FOXP1: variants seen among roughly 807,000 people sequenced by gnomAD.
FOXP1 encodes forkhead box protein P1.
In FOXP1, 15 loss-of-function variants were observed where a neutral mutation model predicts 98.2. That is an observed-to-expected ratio of 0.15 (90% CI 0.10 to 0.24). The LOEUF is 0.24. Ranked by LOEUF, FOXP1 falls within the 10% of genes least tolerant of loss-of-function variation. FOXP1 has a pLI of 1.00. For synonymous variants in FOXP1, 371 were observed against 314.5 expected (o/e 1.18, Z -1.90); for missense variants, 633 against 848.5 (o/e 0.75, Z 3.15).
At position 71,093,273 on chromosome 3, in the gene FOXP1, G is replaced by GAA. The variant is rs34159878; in HGVS notation, c.282+19261_282+19262dup. ...CATTTCAAAAAATAAAAATAAAAAT[G>GAA]AAAAAAAAAAAAATTAAAAAAAGCA... On this transcript the variant is annotated intron_variant, in intron 7 of 20. Coordinates refer to ENST00000649528, the MANE Select transcript of FOXP1 (RefSeq NM_001349338.3). Among the ~76,000 whole-genome samples, 716 of 133,560 alleles carry GAA rather than the reference G, an allele frequency of 5.4e-3. 9 individuals are homozygous for GAA. The highest frequency in any genetic ancestry group is 0.016 in the African/African-American group (559 of 35,654). 87.6% of individuals were successfully genotyped at this position (133,560 alleles called of 152,430 possible).
chr3:71,383,653 G>A (rs2080347774), intron 3 of FOXP1, among the ~76,000 whole-genome samples: 1 of 152,072 alleles, frequency 6.6e-6, no homozygotes, highest in Non-Finnish European at 1.5e-5. Flanking sequence ...GGGTGTCTGT[G>A]CACATGTACT....
intron 2 of FOXP1, among the ~76,000 whole-genome samples, chr3:71,537,481 C>T (rs2044398760): frequency 6.6e-6 from 1 of 152,302 alleles, no homozygotes; most frequent in East Asian, 1.9e-4. Context: ...ACCAGGCAGG[C>T]GCAGAGGCCA....
intron 11 of FOXP1, among the ~76,000 whole-genome samples, chr3:71,030,269 A>G (rs7653129): frequency 0.25 from 38,673 of 152,156 alleles, 11,646 homozygotes; most frequent in African/African-American, 0.73. Context: ...ACATGAAACC[A>G]GTATGGTCCA....
chr3:71,018,772 A>T (rs1375259549), intron 11 of FOXP1, among the ~76,000 whole-genome samples: 1 of 152,236 alleles, frequency 6.6e-6, no homozygotes, highest in African/African-American at 2.4e-5. Flanking sequence ...GGGAGTCAGG[A>T]GTAGCAGGGA....
At chr3:71,015,788 A>G in intron 11 of FOXP1, 135 bp from the exon 12 acceptor site, 2 of 631,600 alleles carry the variant, frequency 3.2e-6, no homozygotes, top group Non-Finnish European at 5.8e-6. Flanking sequence ...CCCCCATCCC[A>G]TGTAATTGAC....
intron 3 of FOXP1, among the ~76,000 whole-genome samples, chr3:71,490,906 T>C (rs943633157): frequency 2.0e-5 from 3 of 152,250 alleles, no homozygotes; most frequent in Admixed American, 6.5e-5. Flanking sequence ...TTTGTTGTTA[T>C]TTCAATACCT....
At chr3:71,014,698 T>C (rs991952591) in intron 12 of FOXP1, among the ~76,000 whole-genome samples, 1 of 152,190 alleles carries the variant, frequency 6.6e-6, no homozygotes, top group African/African-American at 2.4e-5. Context: ...CACATGTATG[T>C]TTATTGCGGC....
intron 6 of FOXP1, among the ~76,000 whole-genome samples, chr3:71,169,483 AC>A (rs1330659121): frequency 6.6e-6 from 1 of 152,184 alleles, no homozygotes; most frequent in Non-Finnish European, 1.5e-5. Context: ...CCAGTTACTT[AC>A]ATTCTAGCCT....
chr3:71,182,677 G>A (rs1450184502), intron 6 of FOXP1, among the ~76,000 whole-genome samples: 1 of 151,642 alleles, frequency 6.6e-6, no homozygotes, highest in Non-Finnish European at 1.5e-5. Context: ...CTACAGGCAA[G>A]TGCCGCCATG....
chr3:71,098,425 T>C (rs2056667114), intron 7 of FOXP1, among the ~76,000 whole-genome samples: 1 of 152,158 alleles, frequency 6.6e-6, no homozygotes, highest in African/African-American at 2.4e-5. Flanking sequence ...TACAGGAATG[T>C]TCTGATTTTC....
At chr3:70,972,262 G>A in intron 18 of FOXP1, 2 of 1,241,532 alleles carry the variant, frequency 1.6e-6, no homozygotes, top group Non-Finnish European at 2.2e-6. Context: ...TCCAATACAG[G>A]GAACAGGAAA....
intron 3 of FOXP1, among the ~76,000 whole-genome samples, chr3:71,442,602 C>T (rs545889087): frequency 4.7e-4 from 72 of 152,186 alleles, no homozygotes; most frequent in Non-Finnish European, 7.9e-4. Context: ...CCAAACTAGC[C>T]GCGGCCCCAG....
At chr3:71,529,568 T>C (rs532769741) in intron 2 of FOXP1, among the ~76,000 whole-genome samples, 1 of 152,342 alleles carries the variant, frequency 6.6e-6, no homozygotes, top group Non-Finnish European at 1.5e-5. Flanking sequence ...CTCCAGCCTC[T>C]GACCTCCAAG....
intron 14 of FOXP1, among the ~76,000 whole-genome samples, chr3:70,981,191 CAAAAAAAAAAAAA>C (rs71104406): frequency 3.3e-5 from 2 of 59,972 alleles, no homozygotes; most frequent in South Asian, 9.9e-4. Context: ...CTCTTTCTAC[CAAAAAAAAAAAAA>C]AAAAAAAAAA....
chr3:71,260,497 TTTAA>T (rs1313664112), intron 5 of FOXP1, among the ~76,000 whole-genome samples: 6 of 152,130 alleles, frequency 3.9e-5, no homozygotes, highest in Admixed American at 1.3e-4. Flanking sequence ...CAATAAGTAA[TTTAA>T]TTATTTCTGT....
chr3:71,235,349 G>A lies in FOXP1; in HGVS notation c.-11-36957C>T, dbSNP rs150798294. On this transcript the variant is annotated intron_variant, in intron 5 of 20. Coordinates refer to ENST00000649528, the MANE Select transcript of FOXP1 (RefSeq NM_001349338.3). ...TGGATCTTTAATGAACACCGATTAC[G>A]AAACCTCTAGAAAAAAATTAAAGAC... 6.0e-4 allele frequency among the ~76,000 whole-genome samples: 91 copies of A among 152,198 alleles called. 1 individual carries two copies. The East Asian group carries it at 0.016, about 27-fold the overall frequency.
intron 3 of FOXP1, among the ~76,000 whole-genome samples, chr3:71,370,150 TAATC>T (rs1451346012): frequency 6.6e-6 from 1 of 152,094 alleles, no homozygotes; most frequent in Non-Finnish European, 1.5e-5. Flanking sequence ...GGCCTGAAAA[TAATC>T]AATCTTCTGC....
chr3:71,055,764 A>G (rs749185071), intron 7 of FOXP1, among the ~76,000 whole-genome samples: 1 of 152,210 alleles, frequency 6.6e-6, no homozygotes, highest in Non-Finnish European at 1.5e-5. Flanking sequence ...TTTCCTTGAG[A>G]GTTGCATCAT....
chr3:70,998,166 G>A (rs1046408969), intron 13 of FOXP1, among the ~76,000 whole-genome samples: 1 of 152,174 alleles, frequency 6.6e-6, no homozygotes, highest in Admixed American at 6.5e-5. Context: ...ACTTCTGTAA[G>A]AGCCAGATCA....
Sources: allele counts gnomAD v4.1 joint callset (sites outside exome capture counted in the v4.1 genomes callset), GRCh38; gene constraint gnomAD v4.1.1; transcripts MANE v1.5; gene names NCBI Gene and HGNC (gene_info 2026-07-23, HGNC 2026-07-21).